The following ZNRF1 variants were observed in gnomAD, a reference collection of about 807,000 sequenced individuals.
The protein encoded by ZNRF1 is zinc and ring finger 1, also known as E3 ubiquitin-protein ligase ZNRF1.
In ZNRF1, 3 loss-of-function variants were observed where a neutral mutation model predicts 18.4. That is an observed-to-expected ratio of 0.16 (90% confidence interval 0.07 to 0.42). ZNRF1 has a LOEUF of 0.42. ZNRF1 is among the 10% of genes least tolerant of loss of function. The pLI is 0.99. For synonymous variants in ZNRF1, 157 were observed against 144.2 expected (o/e 1.09, Z -0.64); for missense variants, 310 against 329.8 (o/e 0.94, Z 0.47).
chr16:75,004,842 C>T (rs144158528), intron 1 of ZNRF1, among the ~76,000 whole-genome samples: 73 of 152,196 alleles, frequency 4.8e-4, no homozygotes, highest in African/African-American at 1.7e-3. Flanking sequence ...CCTCAAACTC[C>T]GGGCTTTAAG....
At chr16:75,055,940 A>T (rs1402384652) in intron 1 of ZNRF1, among the ~76,000 whole-genome samples, 1 of 152,210 alleles carries the variant, frequency 6.6e-6, no homozygotes, top group Non-Finnish European at 1.5e-5. Context: ...CTCGATAAAG[A>T]CATTTGCCAA....
chr16:75,028,596 CT>C (rs2035256343), intron 1 of ZNRF1, among the ~76,000 whole-genome samples: 1 of 152,232 alleles, frequency 6.6e-6, no homozygotes, highest in South Asian at 2.1e-4. Flanking sequence ...TGCCCGGCCC[CT>C]GCTACTTCTT....
At chr16:75,086,348 T>TG (rs1281207938) in intron 1 of ZNRF1, among the ~76,000 whole-genome samples, 1 of 152,222 alleles carries the variant, frequency 6.6e-6, no homozygotes, top group African/African-American at 2.4e-5. Flanking sequence ...GAGAAATTTC[T>TG]GGGGAAACAG....
intron 1 of ZNRF1, among the ~76,000 whole-genome samples, chr16:75,079,824 C>G (rs4888339): frequency 0.3 from 45,025 of 152,124 alleles, 8,048 homozygotes; most frequent in East Asian, 0.65. Flanking sequence ...TGACAGGGTA[C>G]CAGGACTGGG....
rs2036367667 is a variant in ZNRF1, at chr16:75,110,305, A to G, written c.*2605A>G. 6.6e-6 allele frequency: 1 copy of G among 152,334 alleles called. No individual in the cohort carries two copies. The highest frequency in any genetic ancestry group is 1.5e-5 in the Non-Finnish European group (1 of 68,130). 9.4% of individuals were successfully genotyped at this position (152,334 alleles called of 1,614,324 possible). On this transcript the variant is annotated 3_prime_UTR_variant, in exon 5 of 5. Transcript: ENST00000335325. ...TCCTCTATCTGGACAGCTCTCCAGA[A>G]TCCTGTGTTGCCCCTGTTCTGCCTT...
At chr16:75,031,893 A>T (rs1033880787) in intron 1 of ZNRF1, among the ~76,000 whole-genome samples, 14 of 152,242 alleles carry the variant, frequency 9.2e-5, no homozygotes, top group African/African-American at 3.1e-4. Flanking sequence ...GGTAACTTTA[A>T]TTGAATCTTT....
intron 2 of ZNRF1, among the ~76,000 whole-genome samples, chr16:75,102,707 C>T (rs896135758): frequency 6.6e-6 from 1 of 152,204 alleles, no homozygotes; most frequent in Non-Finnish European, 1.5e-5. Flanking sequence ...ACCCATGTCT[C>T]TGTTCCAAAC....
chr16:75,074,265 T>G (rs1416465131), intron 1 of ZNRF1, among the ~76,000 whole-genome samples: 2 of 152,178 alleles, frequency 1.3e-5, no homozygotes, highest in Non-Finnish European at 2.9e-5. Flanking sequence ...GTGGCTTCTC[T>G]GCATGTGTGT....
At chr16:75,055,233 TTAAA>T (rs2035653696) in intron 1 of ZNRF1, among the ~76,000 whole-genome samples, 1 of 152,248 alleles carries the variant, frequency 6.6e-6, no homozygotes, top group Admixed American at 6.5e-5. Context: ...TTTCTCAGGT[TTAAA>T]TAAAGTGGCA....
intron 1 of ZNRF1, among the ~76,000 whole-genome samples, chr16:75,039,718 G>T (rs900127606): frequency 2.6e-5 from 4 of 152,230 alleles, no homozygotes; most frequent in Non-Finnish European, 5.9e-5. Flanking sequence ...AGTGGGAAGA[G>T]AGGGGTTGGT....
chr16:75,005,518 TG>T (rs2145316329), intron 1 of ZNRF1, among the ~76,000 whole-genome samples: 2 of 152,352 alleles, frequency 1.3e-5, no homozygotes, highest in South Asian at 4.1e-4. Context: ...ATTTTACATA[TG>T]TGGTATTCAC....
At chr16:75,018,606 A>T (rs2035101479) in intron 1 of ZNRF1, among the ~76,000 whole-genome samples, 1 of 152,116 alleles carries the variant, frequency 6.6e-6, no homozygotes, top group Non-Finnish European at 1.5e-5. Context: ...ATTATCACAA[A>T]CAGCAATTTT....
At chr16:75,099,017 T>G (rs1424668628) in intron 2 of ZNRF1, among the ~76,000 whole-genome samples, 1 of 152,172 alleles carries the variant, frequency 6.6e-6, no homozygotes, top group African/African-American at 2.4e-5. Context: ...TCCATCCACC[T>G]TGGGTCCTCT....
At chr16:75,091,924 T>G (rs1236280554) in intron 1 of ZNRF1, among the ~76,000 whole-genome samples, 1 of 152,112 alleles carries the variant, frequency 6.6e-6, no homozygotes, top group Non-Finnish European at 1.5e-5. Context: ...AACAGTCGAT[T>G]AAGATGGATT....
At chr16:75,059,327 A>C (rs2035713732) in intron 1 of ZNRF1, among the ~76,000 whole-genome samples, 1 of 137,062 alleles carries the variant, frequency 7.3e-6, no homozygotes, top group African/African-American at 2.8e-5. Flanking sequence ...GGCTCACTGC[A>C]ACCTCCACCT....
intron 1 of ZNRF1, among the ~76,000 whole-genome samples, chr16:75,049,867 G>GTGTGTGTGTGTGTC (rs2035569246): frequency 1.3e-5 from 2 of 151,514 alleles, no homozygotes; most frequent in African/African-American, 4.9e-5. Context: ...GTGTGTGTGT[G>GTGTGTGTGTGTGTC]TGTGGTTTAG....
In ZNRF1 at chr16:75,095,721, AC is replaced by A. The variant is rs531944612; in HGVS notation, c.520+2059del. ...GCCCCCATGGCCCAAATGCAGAGTT[AC>A]CCCCACTGCCCTGTGGAGAACCGGG... On this transcript the variant is annotated intron_variant, in intron 2 of 4. Transcript: ENST00000335325. The A allele has an allele frequency of 1.6e-4, 247 of 1,546,626 alleles. 1 individual carries two copies. In the African/African-American group the frequency reaches 3.0e-3, roughly 19 times the overall value.
chr16:75,092,050 G>T (rs888893571), intron 1 of ZNRF1, among the ~76,000 whole-genome samples: 1 of 152,142 alleles, frequency 6.6e-6, no homozygotes, highest in African/African-American at 2.4e-5. Flanking sequence ...TGTAATCCTA[G>T]CACTTTGGGA....
At chr16:75,092,354 A>G (rs893211588) in intron 1 of ZNRF1, among the ~76,000 whole-genome samples, 2 of 152,110 alleles carry the variant, frequency 1.3e-5, no homozygotes, top group Non-Finnish European at 2.9e-5. Flanking sequence ...ATTCGAGCCC[A>G]TGTTGTTTGA....
Sources: allele counts gnomAD v4.1 joint callset (sites outside exome capture counted in the v4.1 genomes callset), GRCh38; gene constraint gnomAD v4.1.1; transcripts MANE v1.5; gene names NCBI Gene and HGNC (gene_info 2026-07-23, HGNC 2026-07-21).